The following SGCD variants were observed in gnomAD, a reference collection of about 807,000 sequenced individuals.
The protein encoded by SGCD is sarcoglycan delta, also known as delta-sarcoglycan.
SGCD carries 18 observed loss-of-function variants against 36.6 expected under a neutral mutation model. The ratio of observed to expected loss-of-function variants is 0.49; its 90% CI spans 0.34 to 0.73. The LOEUF is 0.73. Ranked by LOEUF, SGCD falls within the 30% of genes least tolerant of loss-of-function variation. The pLI, the probability that SGCD is intolerant of heterozygous loss-of-function variation, is 0.01. For missense variants in SGCD, 387 were observed against 346.7 expected, an observed-to-expected ratio of 1.12 and a Z score of -0.92; for synonymous variants, 133 against 130.6, an observed-to-expected ratio of 1.02 and a Z score of -0.12.
At chr5:156,264,335 T>G (rs1351959403) in intron 3 of SGCD, among the ~76,000 whole-genome samples, 2 of 152,060 alleles carry the variant, frequency 1.3e-5, no homozygotes, top group African/African-American at 4.8e-5. Flanking sequence ...TTAAAACTAC[T>G]AGAAAGAAAT....
the SGCD span, among the ~76,000 whole-genome samples, chr5:155,727,971 C>T: frequency 1.3e-5 from 2 of 152,204 alleles, no homozygotes; most frequent in African/African-American, 4.8e-5. Flanking sequence ...CCTCTGGCCG[C>T]CGCGGCCGAC....
Position 156,759,397 on chromosome 5 carries a change from A to G in SGCD, c.*7A>G, listed in dbSNP as rs762604292. On this transcript the variant is annotated 3_prime_UTR_variant, in exon 9 of 9. Transcript: ENST00000337851. ...CACAAGTGTCTGCCTCTGAAAGACT[A>G]TCCATAGTGGACATTGTTGGCAGCA... 2.6e-5 allele frequency: 42 copies of G among 1,594,796 alleles called. No individual in the cohort carries two copies. In the East Asian group the frequency reaches 9.4e-4, roughly 36 times the overall value.
intron 1 of SGCD, among the ~76,000 whole-genome samples, chr5:155,933,551 T>C (rs1280492944): frequency 6.6e-6 from 1 of 152,206 alleles, no homozygotes; most frequent in Non-Finnish European, 1.5e-5. Context: ...GGTGAATAAA[T>C]GAGTGAATGA....
the SGCD span, among the ~76,000 whole-genome samples, chr5:155,842,173 G>A: frequency 6.6e-6 from 1 of 151,524 alleles, no homozygotes; most frequent in Non-Finnish European, 1.5e-5. Flanking sequence ...ATCTAGCTAT[G>A]CCTCTCTCTG....
intron 1 of SGCD, among the ~76,000 whole-genome samples, chr5:156,016,770 T>C (rs77850857): frequency 6.6e-6 from 1 of 152,176 alleles, no homozygotes; most frequent in Non-Finnish European, 1.5e-5. Context: ...CATTTGTGTA[T>C]GTACCATAGC....
At chr5:156,069,608 C>T (rs1420691463) in intron 1 of SGCD, among the ~76,000 whole-genome samples, 2 of 152,052 alleles carry the variant, frequency 1.3e-5, no homozygotes, top group Non-Finnish European at 2.9e-5. Flanking sequence ...GCAATGCGGG[C>T]TCTTTTTTGG....
intron 3 of SGCD, among the ~76,000 whole-genome samples, chr5:156,282,217 T>A (rs1008097553): frequency 6.6e-6 from 1 of 152,298 alleles, no homozygotes; most frequent in Non-Finnish European, 1.5e-5. Flanking sequence ...GAAATGCGAA[T>A]TCTCCTACTA....
chr5:156,247,197 G>A (rs1472785482), intron 3 of SGCD, among the ~76,000 whole-genome samples: 1 of 152,132 alleles, frequency 6.6e-6, no homozygotes, highest in East Asian at 1.9e-4. Flanking sequence ...GAATTGTTAA[G>A]TAGATTTTAT....
chr5:156,042,968 T>G (rs1302125145), intron 1 of SGCD, among the ~76,000 whole-genome samples: 1 of 152,158 alleles, frequency 6.6e-6, no homozygotes, highest in Admixed American at 6.6e-5. Context: ...CAAAGGCAAT[T>G]TAGTTTTGGG....
At chr5:156,436,097 A>G (rs1452829943) in intron 3 of SGCD, among the ~76,000 whole-genome samples, 1 of 152,106 alleles carries the variant, frequency 6.6e-6, no homozygotes, top group African/African-American at 2.4e-5. Flanking sequence ...CTGTTTGTTC[A>G]CCTGTCACTC....
chr5:156,305,909 C>T (rs1172437714), intron 3 of SGCD, among the ~76,000 whole-genome samples: 1 of 152,174 alleles, frequency 6.6e-6, no homozygotes, highest in East Asian at 1.9e-4. Flanking sequence ...TTGAATGGGG[C>T]CTGTAGCCCC....
At chr5:156,162,421 T>A (rs922206591) in intron 3 of SGCD, among the ~76,000 whole-genome samples, 3 of 151,468 alleles carry the variant, frequency 2.0e-5, no homozygotes, top group African/African-American at 7.4e-5. Flanking sequence ...ATGGAGGTTG[T>A]TCTGCAGTGT....
chr5:156,163,900 G>A (rs1043717141), intron 3 of SGCD, among the ~76,000 whole-genome samples: 80 of 150,082 alleles, frequency 5.3e-4, no homozygotes, highest in African/African-American at 1.8e-3. Flanking sequence ...GCACGCGCCT[G>A]TAGTCCCAGC....
chr5:156,619,652 G>A (rs915657505), intron 6 of SGCD, among the ~76,000 whole-genome samples: 4 of 152,074 alleles, frequency 2.6e-5, no homozygotes, highest in African/African-American at 9.7e-5. Context: ...TGCTTTTCCA[G>A]CAGAGGCCAA....
intron 3 of SGCD, among the ~76,000 whole-genome samples, chr5:156,279,040 A>G (rs1006860303): frequency 4.6e-5 from 7 of 152,158 alleles, no homozygotes; most frequent in African/African-American, 7.2e-5. Context: ...GAATGTTACT[A>G]AACATCTTAT....
At position 155,922,580 on chromosome 5, in the gene SGCD, A is replaced by G. The variant is rs568149557; in HGVS notation, c.-282+52156A>G. 2.0e-5 allele frequency among the ~76,000 whole-genome samples: 3 copies of G among 152,340 alleles called. No homozygotes were observed. In the East Asian group the frequency reaches 5.8e-4, roughly 29 times the overall value. On this transcript the variant is annotated intron_variant, in intron 1 of 9. Transcript: ENST00000517913. ...CAGAATACAAATTCAAGTAAAAGTG[A>G]AAGTTCAAAGGAATTTTGCAGTTTA...
the SGCD span, among the ~76,000 whole-genome samples, chr5:155,770,037 TA>T: frequency 6.6e-6 from 1 of 152,132 alleles, no homozygotes; most frequent in East Asian, 1.9e-4. Flanking sequence ...CTTCATGTTA[TA>T]GTTATGGTGA....
chr5:156,544,472 G>A (rs1384972488), intron 4 of SGCD, among the ~76,000 whole-genome samples: 1 of 152,094 alleles, frequency 6.6e-6, no homozygotes, highest in African/African-American at 2.4e-5. Context: ...CCAACTCCTA[G>A]CCCACTCCAC....
chr5:156,014,071 A>G (rs112373750), intron 1 of SGCD, among the ~76,000 whole-genome samples: 1,689 of 152,070 alleles, frequency 0.011, 36 homozygotes, highest in African/African-American at 0.037. Flanking sequence ...AGGGATGAAA[A>G]TTCTAGCTTT....
Sources: allele counts gnomAD v4.1 joint callset (sites outside exome capture counted in the v4.1 genomes callset), GRCh38; gene constraint gnomAD v4.1.1; transcripts MANE v1.5; gene names NCBI Gene and HGNC (gene_info 2026-07-23, HGNC 2026-07-21).